The following DACH1 variants were observed in gnomAD, a reference collection of about 807,000 sequenced individuals.
DACH1 encodes the protein dachshund homolog 1.
Under a neutral mutation model 54.2 loss-of-function variants are expected in DACH1, and 12 were observed. The observed-to-expected ratio is 0.22, with a 90% CI of 0.14 to 0.36. The LOEUF is 0.36. DACH1 is among the 10% of genes least tolerant of loss of function. The pLI, the probability that DACH1 is intolerant of heterozygous loss-of-function variation, is 1.00. For missense variants in DACH1, 805 were observed against 929.8 expected (o/e 0.87, Z 1.75); for synonymous variants, 386 against 366.2 (o/e 1.05, Z -0.62).
chr13:71,559,919 G>A lies in DACH1; in HGVS notation c.1336C>T (p.Leu446=). 6.2e-7 allele frequency: 1 copy of A among 1,605,804 alleles called. No homozygotes were observed. The highest frequency in any genetic ancestry group is 1.7e-5 in the Admixed American group (1 of 59,064). Residue 446 remains leucine (L), a synonymous_variant, in exon 5 of 11, where the codon CTG becomes TTG. Coordinates refer to ENST00000613252, the MANE Select transcript of DACH1 (RefSeq NM_080759.6). ...VPDSPSPAPS[L]EEGRRPGSHP... ...CTGCCAGGCCTTCTCCCCTCCTCCA[G>A]AGAGGGGGCAGGTGAGGGGCTATCA...
chr13:71,766,060 G>C, intron 1 of DACH1, among the ~76,000 whole-genome samples: 1 of 151,980 alleles, frequency 6.6e-6, no homozygotes, highest in Admixed American at 6.6e-5. Flanking sequence ...CTAATTTTTT[G>C]TATTTTTAGT....
chr13:71,806,875 A>G (rs1887526720), intron 1 of DACH1, among the ~76,000 whole-genome samples: 1 of 152,192 alleles, frequency 6.6e-6, no homozygotes, highest in South Asian at 2.1e-4. Flanking sequence ...TTTCATTAAC[A>G]TACCACAATT....
At chr13:71,686,752 T>C (rs1173795810) in intron 1 of DACH1, among the ~76,000 whole-genome samples, 1 of 152,184 alleles carries the variant, frequency 6.6e-6, no homozygotes. Flanking sequence ...ACAAAAACTG[T>C]GGTGTCTACA....
At chr13:71,766,065 T>C (rs1885614789) in intron 1 of DACH1, among the ~76,000 whole-genome samples, 1 of 152,048 alleles carries the variant, frequency 6.6e-6, no homozygotes, top group Admixed American at 6.6e-5. Context: ...TTTTTGTATT[T>C]TTAGTAGAGA....
rs924753771 is a variant in DACH1 at position 71,439,754 on chromosome 13, T to G, written c.*901A>C. ...AAAGACATCTTTCTGACCAACAGGG[T>G]GACAAAACATATTTTCTAAAATTTT... On this transcript the variant is annotated 3_prime_UTR_variant, in exon 11 of 11. Coordinates refer to ENST00000613252, the MANE Select transcript of DACH1 (RefSeq NM_080759.6). 5 of 152,354 alleles carry G rather than the reference T, an allele frequency of 3.3e-5. No homozygotes were observed. The allele number at this position is 152,354 out of a possible 1,614,324, so 9.4% of individuals were successfully genotyped here.
At chr13:71,487,141 G>A (rs1878601802) in intron 7 of DACH1, among the ~76,000 whole-genome samples, 2 of 152,044 alleles carry the variant, frequency 1.3e-5, no homozygotes, top group Admixed American at 1.3e-4. Flanking sequence ...ATGAGCCACG[G>A]CACCCGACCC....
At chr13:71,863,219 T>G (rs181613318) in intron 1 of DACH1, among the ~76,000 whole-genome samples, 3 of 152,202 alleles carry the variant, frequency 2.0e-5, no homozygotes, top group African/African-American at 7.2e-5. Flanking sequence ...AATAATAATA[T>G]AGGGTAAACA....
intron 1 of DACH1, 30 bp from the exon 2 acceptor site, chr13:71,681,940 A>G: frequency 7.2e-7 from 1 of 1,392,814 alleles, no homozygotes; most frequent in South Asian, 1.2e-5. Context: ...AATTTTTACA[A>G]TTAAGCTATT....
intron 1 of DACH1, among the ~76,000 whole-genome samples, chr13:71,726,832 G>C (rs1475594932): frequency 6.6e-6 from 1 of 151,462 alleles, no homozygotes; most frequent in Non-Finnish European, 1.5e-5. Context: ...CTTTAGCTCT[G>C]GTATATTTTT....
At chr13:71,508,277 T>C (rs907289167) in intron 6 of DACH1, among the ~76,000 whole-genome samples, 5 of 152,190 alleles carry the variant, frequency 3.3e-5, no homozygotes, top group Non-Finnish European at 7.3e-5. Context: ...CTGAATTCAT[T>C]GTGAATTGCC....
intron 10 of DACH1, among the ~76,000 whole-genome samples, chr13:71,454,345 T>C (rs1875354103): frequency 6.6e-6 from 1 of 152,176 alleles, no homozygotes; most frequent in Admixed American, 6.5e-5. Context: ...AGGCATCCTC[T>C]AAGATGATCA....
chr13:71,739,640 T>G (rs1349869533), intron 1 of DACH1, among the ~76,000 whole-genome samples: 1 of 152,172 alleles, frequency 6.6e-6, no homozygotes, highest in Non-Finnish European at 1.5e-5. Context: ...GCAGCCACTG[T>G]CCTGGACAAG....
At chr13:71,611,821 GC>G in intron 3 of DACH1, among the ~76,000 whole-genome samples, 1 of 152,182 alleles carries the variant, frequency 6.6e-6, no homozygotes, top group Non-Finnish European at 1.5e-5. Flanking sequence ...GCTGATGAAA[GC>G]TTTTTTGCCT....
intron 1 of DACH1, among the ~76,000 whole-genome samples, chr13:71,765,918 G>A (rs181394076): frequency 0.044 from 5,753 of 131,198 alleles, 142 homozygotes; most frequent in Middle Eastern, 0.06. Context: ...ACTGAGTCTC[G>A]CTCTGTCGCC....
At position 71,475,923 on chromosome 13, in the gene DACH1, A is replaced by G. The variant is rs1397053785; in HGVS notation, c.1871-74T>C. 5.5e-6 allele frequency: 6 copies of G among 1,093,380 alleles called. No homozygotes were observed. The East Asian group carries it at 1.2e-4, about 21-fold the overall frequency. 67.7% of individuals were successfully genotyped at this position (1,093,380 alleles called of 1,614,324 possible). ...AATGCTGCTAATTTCCAAATGGTCT[A>G]TATTTTTTATATTATTCATTTTGTT... On this transcript the variant is annotated intron_variant, in intron 8 of 10. Coordinates refer to ENST00000613252, the MANE Select transcript of DACH1 (RefSeq NM_080759.6).
At chr13:71,815,603 T>C (rs1318191591) in intron 1 of DACH1, among the ~76,000 whole-genome samples, 1 of 152,228 alleles carries the variant, frequency 6.6e-6, no homozygotes, top group African/African-American at 2.4e-5. Flanking sequence ...TTTGGAACAC[T>C]GATTTGAGTG....
At chr13:71,581,274 T>C (rs1293832113) in intron 3 of DACH1, among the ~76,000 whole-genome samples, 2 of 152,032 alleles carry the variant, frequency 1.3e-5, no homozygotes, top group African/African-American at 4.8e-5. Flanking sequence ...ATTATTGTTA[T>C]TATTATTTTT....
At chr13:71,729,007 CT>C (rs1415560043) in intron 1 of DACH1, among the ~76,000 whole-genome samples, 1 of 151,748 alleles carries the variant, frequency 6.6e-6, no homozygotes, top group Admixed American at 6.6e-5. Flanking sequence ...GAAAACTTTA[CT>C]TTTTTTTATT....
intron 1 of DACH1, among the ~76,000 whole-genome samples, chr13:71,724,226 A>G (rs1334144720): frequency 6.6e-6 from 1 of 152,228 alleles, no homozygotes; most frequent in Non-Finnish European, 1.5e-5. Context: ...TAAGGGGTTT[A>G]TAGTTGTATT....
Sources: gnomAD v4.1 joint callset for allele counts (sites outside exome capture counted in the v4.1 genomes callset) on GRCh38, gnomAD v4.1.1 for gene constraint, MANE v1.5 for transcripts, NCBI Gene and HGNC (gene_info 2026-07-23, HGNC 2026-07-21) for gene names.